The following GARIN2 variants were observed in gnomAD, a reference collection of about 807,000 sequenced individuals.
GARIN2 encodes golgi associated RAB2 interactor family member 2, also known as Golgi-associated RAB2 interactor protein 2.
At chr14:67,225,985 G>A in the GARIN2 span, among the ~76,000 whole-genome samples, 6 of 150,090 alleles carry the variant, frequency 4.0e-5, no homozygotes, top group South Asian at 2.1e-4. Context: ...GTGCGCATGC[G>A]CGTGCATGCT....
the GARIN2 span, among the ~76,000 whole-genome samples, chr14:67,200,977 G>A: frequency 6.6e-6 from 1 of 152,144 alleles, no homozygotes; most frequent in East Asian, 1.9e-4. Context: ...CAAGATTCCT[G>A]ACTGAACAGG....
the GARIN2 span, chr14:67,200,346 C>T: frequency 3.1e-6 from 2 of 642,534 alleles, no homozygotes; most frequent in East Asian, 3.1e-5. Context: ...TTTCCTTCCT[C>T]CTATTACATC....
the GARIN2 span, among the ~76,000 whole-genome samples, chr14:67,207,891 C>T: frequency 6.6e-6 from 1 of 152,314 alleles, no homozygotes; most frequent in East Asian, 1.9e-4. Context: ...GGAAACTTTT[C>T]TTGTGCTGAC....
At chr14:67,223,301 C>G in the GARIN2 span, among the ~76,000 whole-genome samples, 9 of 152,162 alleles carry the variant, frequency 5.9e-5, no homozygotes. Flanking sequence ...CGCCTGGCCC[C>G]CATTGGGCTT....
chr14:67,202,994 C>G, the GARIN2 span: 8 of 1,243,806 alleles, frequency 6.4e-6, no homozygotes, highest in Non-Finnish European at 7.8e-6. Flanking sequence ...TGGTTCATTC[C>G]TCCTTTATTT....
At chr14:67,225,044 C>CT in the GARIN2 span, 3 of 1,390,424 alleles carry the variant, frequency 2.2e-6, no homozygotes, top group African/African-American at 1.5e-5. Context: ...CTGCTTTTGG[C>CT]TTTTTTTCTT....
chr14:67,224,064 T>C, the GARIN2 span: 18 of 880,796 alleles, frequency 2.0e-5, no homozygotes, highest in African/African-American at 2.4e-4. Context: ...GCAATGCTAG[T>C]TAGGGACCAT....
At chr14:67,193,988 A>T in the GARIN2 span, among the ~76,000 whole-genome samples, 2 of 151,352 alleles carry the variant, frequency 1.3e-5, no homozygotes, top group African/African-American at 4.9e-5. Flanking sequence ...AAAAAACAGA[A>T]AGAAAGAAAT....
chr14:67,200,000 A>C, the GARIN2 span: 1 of 1,016,526 alleles, frequency 9.8e-7, no homozygotes, highest in Non-Finnish European at 1.4e-6. Flanking sequence ...CTGGCACACC[A>C]TGGACCTCAT....
At chr14:67,214,678 A>G in the GARIN2 span, among the ~76,000 whole-genome samples, 3 of 151,928 alleles carry the variant, frequency 2.0e-5, no homozygotes. Context: ...TGAACTTTAA[A>G]GTAGTTTTTT....
At chr14:67,209,690 C>A in the GARIN2 span, among the ~76,000 whole-genome samples, 20 of 150,980 alleles carry the variant, frequency 1.3e-4, no homozygotes, top group Non-Finnish European at 3.0e-4. Flanking sequence ...TGGTGGCAGG[C>A]GCCTGTAATC....
At chr14:67,198,245 T>G in the GARIN2 span, 2 of 1,613,926 alleles carry the variant, frequency 1.2e-6, no homozygotes, top group East Asian at 2.2e-5. Context: ...ATCCGAGAGA[T>G]CTTCAAAATA....
the GARIN2 span, among the ~76,000 whole-genome samples, chr14:67,226,588 T>C: frequency 2.0e-5 from 3 of 152,190 alleles, no homozygotes; most frequent in African/African-American, 4.8e-5. Context: ...CTCAAACTCC[T>C]GACCTCAAGT....
At chr14:67,202,364 C>T in the GARIN2 span, among the ~76,000 whole-genome samples, 1 of 152,126 alleles carries the variant, frequency 6.6e-6, no homozygotes, top group Non-Finnish European at 1.5e-5. Context: ...TCATTTGAAC[C>T]TGGGAGGCAG....
At chr14:67,217,341 C>A in the GARIN2 span, among the ~76,000 whole-genome samples, 1 of 152,048 alleles carries the variant, frequency 6.6e-6, no homozygotes, top group Non-Finnish European at 1.5e-5. Flanking sequence ...ATAGTTGGGT[C>A]ATTTTTTAAA....
At chr14:67,198,313 T>G in the GARIN2 span, 1 of 1,612,906 alleles carries the variant, frequency 6.2e-7, no homozygotes, top group South Asian at 1.1e-5. Flanking sequence ...GAGAGCAATT[T>G]TATCCAGGTA....
chr14:67,215,788 C>T, the GARIN2 span, among the ~76,000 whole-genome samples: 2 of 152,122 alleles, frequency 1.3e-5, no homozygotes, highest in African/African-American at 4.8e-5. Flanking sequence ...ACTCTGATGT[C>T]TTCCTTATGT....
the GARIN2 span, among the ~76,000 whole-genome samples, chr14:67,194,866 C>A: frequency 6.6e-6 from 1 of 152,134 alleles, no homozygotes; most frequent in South Asian, 2.1e-4. Flanking sequence ...CAACGTTGGC[C>A]AGGCTGATCT....
the GARIN2 span, among the ~76,000 whole-genome samples, chr14:67,205,853 G>C: frequency 1.5e-3 from 225 of 152,298 alleles, no homozygotes; most frequent in Middle Eastern, 0.02. Context: ...AAAGAGATCT[G>C]TTTGAAGACT....
Sources: allele counts gnomAD v4.1 joint callset (sites outside exome capture counted in the v4.1 genomes callset), GRCh38; gene constraint gnomAD v4.1.1; transcripts MANE v1.5; gene names NCBI Gene and HGNC (gene_info 2026-07-23, HGNC 2026-07-21).